The following ASTN2 variants were observed in gnomAD, a reference collection of about 807,000 sequenced individuals.
The protein encoded by ASTN2 is astrotactin 2.
A neutral mutation model predicts 139.8 loss-of-function variants in ASTN2; 54 were observed. The ratio of observed to expected loss-of-function variants is 0.39; its 90% CI spans 0.31 to 0.48. The LOEUF (loss-of-function observed/expected upper bound fraction) is 0.48, where lower values mean the gene tolerates loss of function less well. Among genes scored for constraint, ASTN2 ranks in the 20% least tolerant of loss-of-function variants. ASTN2 has a pLI of 0.95. For missense variants in ASTN2, 1,565 were observed against 1,725.1 expected, an observed-to-expected ratio of 0.91 and a Z score of 1.64; for synonymous variants, 756 against 719.5, an observed-to-expected ratio of 1.05 and a Z score of -0.81.
At chr9:116,724,553 T>C (rs762321703) in intron 16 of ASTN2, among the ~76,000 whole-genome samples, 4 of 152,208 alleles carry the variant, frequency 2.6e-5, no homozygotes, top group East Asian at 1.9e-4. Flanking sequence ...CCACTTGGTC[T>C]TGGCCCTGCC....
chr9:116,562,287 A>G (rs1196777300), intron 19 of ASTN2: 1 of 152,244 alleles, frequency 6.6e-6, no homozygotes, highest in Non-Finnish European at 1.5e-5. Flanking sequence ...AAACCTGTTT[A>G]CATTTGATTA....
At chr9:116,959,884 A>G (rs541017000) in intron 10 of ASTN2, among the ~76,000 whole-genome samples, 138 of 152,262 alleles carry the variant, frequency 9.1e-4, no homozygotes, top group Admixed American at 1.6e-3. Context: ...TCCTTTCTCC[A>G]GAACACTTGC....
intron 1 of ASTN2, among the ~76,000 whole-genome samples, chr9:117,330,853 G>A (rs1196537667): frequency 6.6e-6 from 1 of 152,190 alleles, no homozygotes; most frequent in Non-Finnish European, 1.5e-5. Context: ...AAATGAAGGG[G>A]ATGTGCCCTT....
chr9:116,853,225 C>T (rs1588354840), intron 11 of ASTN2, among the ~76,000 whole-genome samples: 2 of 152,152 alleles, frequency 1.3e-5, no homozygotes, highest in East Asian at 3.9e-4. Context: ...TACATTTCAA[C>T]ACTGTACAAA....
In ASTN2 at chr9:117,134,275, TATATATATATATATATATATAC is replaced by T. The variant is rs1234918247; in HGVS notation, c.1168+7029_1168+7050del. 6.7e-3 allele frequency among the ~76,000 whole-genome samples: 266 copies of T among 39,924 alleles called. 6 individuals carry two copies. The East Asian group carries it at 0.21, about 32-fold the overall frequency. The allele number at this position is 39,924 out of a possible 152,430, so 26.2% of individuals were successfully genotyped here. Reference sequence around the variant, plus strand: ...CAGTTACTAATGAAAATTATATATATATATATATATATATATATATACACACACACACACACACACACACACA... The same window carrying T: ...CAGTTACTAATGAAAATTATATATATACACACACACACACACACACACACA... On this transcript the variant is annotated intron_variant, in intron 4 of 22. Transcript: ENST00000313400.
chr9:117,106,105 C>T (rs1056490409), intron 4 of ASTN2, among the ~76,000 whole-genome samples: 2 of 152,172 alleles, frequency 1.3e-5, no homozygotes, highest in African/African-American at 2.4e-5. Context: ...TTCTAGATTC[C>T]GTCCAGACTT....
intron 7 of ASTN2, among the ~76,000 whole-genome samples, chr9:116,990,428 G>A (rs1040616339): frequency 6.7e-6 from 1 of 148,958 alleles, no homozygotes; most frequent in African/African-American, 2.4e-5. Context: ...CACCATGCTC[G>A]GCTAGTTTTC....
chr9:117,070,032 G>T (rs889903160), intron 5 of ASTN2, among the ~76,000 whole-genome samples: 1 of 150,530 alleles, frequency 6.6e-6, no homozygotes, highest in Admixed American at 6.6e-5. Context: ...ATTGTTATGT[G>T]TGAGTTTGAT....
At chr9:117,064,303 T>A (rs1302122754) in intron 5 of ASTN2, among the ~76,000 whole-genome samples, 1 of 152,152 alleles carries the variant, frequency 6.6e-6, no homozygotes, top group African/African-American at 2.4e-5. Context: ...GCCAGATTGC[T>A]ATTTTGGTAT....
At chr9:117,012,662 T>A (rs1339110764) in intron 6 of ASTN2, among the ~76,000 whole-genome samples, 1 of 152,052 alleles carries the variant, frequency 6.6e-6, no homozygotes, top group Non-Finnish European at 1.5e-5. Context: ...CATTGAAGAG[T>A]TGGCCTTTAA....
At chr9:117,331,188 G>A (rs1203523110) in intron 1 of ASTN2, among the ~76,000 whole-genome samples, 2 of 152,202 alleles carry the variant, frequency 1.3e-5, no homozygotes, top group African/African-American at 4.8e-5. Context: ...GTTGGAGGCA[G>A]AGTCTCACAC....
chr9:116,726,449 C>A (rs1828626571), intron 15 of ASTN2, among the ~76,000 whole-genome samples: 1 of 152,182 alleles, frequency 6.6e-6, no homozygotes, highest in African/African-American at 2.4e-5. Context: ...TGGACTCAAA[C>A]CCACTTATGT....
Position 116,863,582 on chromosome 9 carries a change from C to T in ASTN2, c.2040+1G>A. The T allele has an allele frequency of 6.2e-7, 1 of 1,613,866 alleles. No individual in the cohort carries two copies. The highest frequency in any genetic ancestry group is 8.5e-7 in the Non-Finnish European group (1 of 1,179,842). On this transcript the variant is annotated splice_donor_variant, in intron 11 of 22. Transcript: ENST00000313400. LOFTEE classifies it high-confidence loss of function. The stretch of plus-strand genomic sequence containing the variant: ...ATGTTCCCGGGCCAATGGGCACTTA[C>T]CACACATCCCGAGGAATCCACCTGC...
Position 116,482,324 on chromosome 9 carries a change from T to TCAAAA in ASTN2, c.3497+5030_3497+5034dup, listed in dbSNP as rs1014352817. Among the ~76,000 whole-genome samples the TCAAAA allele has an allele frequency of 5.9e-5, 9 of 152,174 alleles. No homozygotes were observed. In the South Asian group the frequency reaches 6.2e-4, roughly 11 times the overall value. On this transcript the variant is annotated intron_variant, in intron 20 of 22. Transcript: ENST00000313400. ...CTGGGTGACAGAGCAAGACTCCGTC[T>TCAAAA]CAAAACAAAACAAAACAAAACAAAA...
At chr9:117,193,816 C>A (rs1831415735) in intron 3 of ASTN2, among the ~76,000 whole-genome samples, 1 of 152,166 alleles carries the variant, frequency 6.6e-6, no homozygotes, top group Non-Finnish European at 1.5e-5. Context: ...GTGCTCCTGG[C>A]AGCACCCTCA....
chr9:117,137,967 G>A (rs1588004986), intron 4 of ASTN2, among the ~76,000 whole-genome samples: 1 of 152,100 alleles, frequency 6.6e-6, no homozygotes, highest in African/African-American at 2.4e-5. Flanking sequence ...TCTGGGCGTT[G>A]GTACCAGGAG....
rs34822441 is a variant in ASTN2, at chr9:116,669,809, A to ATTT, written c.2807-18019_2807-18017dup. The stretch of plus-strand genomic sequence containing the variant: ...TTATCAATGATTCCTTATGTATTGT[A>ATTT]TTTTTTTTTTTTTTGAGACAGAGTC... On this transcript the variant is annotated intron_variant, in intron 16 of 22. Coordinates refer to ENST00000313400, the MANE Select transcript of ASTN2 (RefSeq NM_001365068.1). Among the ~76,000 whole-genome samples the ATTT allele has an allele frequency of 9.9e-3, 1,431 of 144,180 alleles. 15 individuals are homozygous for ATTT. Among genetic ancestry groups the ATTT allele is most frequent in the African/African-American group, 0.03 (1,170 of 39,102 alleles). The allele number at this position is 144,180 out of a possible 152,430, so 94.6% of individuals were successfully genotyped here. A position where few individuals can be genotyped will look rare whatever the true frequency, so the allele number is the denominator to read the frequency against.
chr9:117,235,663 G>A (rs1415070889), intron 2 of ASTN2, among the ~76,000 whole-genome samples: 1 of 152,164 alleles, frequency 6.6e-6, no homozygotes, highest in African/African-American at 2.4e-5. Flanking sequence ...TCACATGGCT[G>A]GGTCTAGGAT....
At chr9:116,885,925 G>A (rs145527145) in intron 10 of ASTN2, among the ~76,000 whole-genome samples, 1,931 of 152,224 alleles carry the variant, frequency 0.013, 16 homozygotes, top group South Asian at 0.019. Flanking sequence ...TGAATGCCAG[G>A]TGTTATCACC....
Sources: allele counts gnomAD v4.1 joint callset (sites outside exome capture counted in the v4.1 genomes callset), GRCh38; gene constraint gnomAD v4.1.1; transcripts MANE v1.5; gene names NCBI Gene and HGNC (gene_info 2026-07-23, HGNC 2026-07-21).